MIS18BP1: variants seen among roughly 807,000 people sequenced by gnomAD.
MIS18BP1 encodes mis18-binding protein 1.
In MIS18BP1, 72 loss-of-function variants were observed where a neutral mutation model predicts 116.1. The observed-to-expected ratio is 0.62, with a 90% CI of 0.51 to 0.75. The LOEUF (loss-of-function observed/expected upper bound fraction) is 0.75. Among genes scored for constraint, MIS18BP1 ranks in the 30% least tolerant of loss-of-function variants. The probability of loss-of-function intolerance (pLI) is 0.00; values close to 1 mark genes in which losing one functional copy is unlikely to be tolerated. For synonymous variants in MIS18BP1, 386 were observed against 427.0 expected (o/e 0.90, Z 1.18); for missense variants, 1,363 against 1,303.2 (o/e 1.05, Z -0.71).
At position 45,246,799 on chromosome 14, in the gene MIS18BP1, A is replaced by T; in HGVS notation, c.488T>A (p.Leu163Gln). The change falls in exon 2 of 17, where the codon CTA becomes CAA. Residue 163 changes from leucine to glutamine, a missense_variant. Leu to Gln is a moderately radical substitution (Grantham distance 113). Transcript: ENST00000310806. Reference sequence around the variant, plus strand: ...TTTGTTGTTTTCCTTTTCTTCACATAGGTAGGTATGCTGCAATTTTTTTTT... The same window carrying T: ...TTTGTTGTTTTCCTTTTCTTCACATTGGTAGGTATGCTGCAATTTTTTTTT... Reference protein sequence around the residue: ...VEKKKLQHTYLCEEKENNKSF... With the variant: ...VEKKKLQHTYQCEEKENNKSF... The T allele has an allele frequency of 6.3e-7, 1 of 1,584,776 alleles. No homozygotes were observed. Among genetic ancestry groups the T allele is most frequent in the African/African-American group, 1.4e-5 (1 of 72,848 alleles).
In MIS18BP1 at chr14:45,223,285, T is replaced by C. The variant is rs958980736; in HGVS notation, c.2669+633A>G. On this transcript the variant is annotated intron_variant, in intron 11 of 16. Coordinates refer to ENST00000310806, the MANE Select transcript of MIS18BP1 (RefSeq NM_018353.5). The stretch of plus-strand genomic sequence containing the variant: ...GTGGGGCACCAAACTTTACTATTTA[T>C]AACACTTGTTAGGCCGGGCACGGTG... 2.0e-5 allele frequency among the ~76,000 whole-genome samples: 3 copies of C among 152,144 alleles called. No homozygotes were observed. The East Asian group carries it at 5.8e-4, about 29-fold the overall frequency.
chr14:45,251,749 T>G (rs1310419569), intron 1 of MIS18BP1, among the ~76,000 whole-genome samples: 1 of 152,230 alleles, frequency 6.6e-6, no homozygotes, highest in Non-Finnish European at 1.5e-5. Flanking sequence ...TGAAAGGTGA[T>G]TAATAGAATA....
intron 13 of MIS18BP1, among the ~76,000 whole-genome samples, chr14:45,211,522 T>C (rs1034025428): frequency 5.9e-5 from 9 of 152,238 alleles, no homozygotes; most frequent in African/African-American, 1.7e-4. Context: ...ACTCCACAAA[T>C]TGAAGACTGG....
At chr14:45,247,692 C>G (rs1465099973) in intron 1 of MIS18BP1, among the ~76,000 whole-genome samples, 1 of 151,708 alleles carries the variant, frequency 6.6e-6, no homozygotes, top group South Asian at 2.1e-4. Flanking sequence ...AGAGCAAGAC[C>G]TTGTCTCAAA....
intron 8 of MIS18BP1, 147 bp downstream of exon 8, chr14:45,230,994 A>T: frequency 1.5e-6 from 1 of 676,516 alleles, no homozygotes; most frequent in Non-Finnish European, 2.2e-6. Context: ...CTCATATAGT[A>T]GTGAAGAAGC....
chr14:45,224,355 AT>A lies in MIS18BP1; in HGVS notation c.2231del (p.Asn744IlefsTer8). On this transcript the variant is annotated frameshift_variant, in exon 11 of 17. Coordinates refer to ENST00000310806, the MANE Select transcript of MIS18BP1 (RefSeq NM_018353.5). LOFTEE classifies it high-confidence loss of function. ...EQMLTSDFKK[N>X]TRLLPKLKKI... Reference sequence around the variant, plus strand: ...TCTTCAATTTTGGTAATAGTCTGGTATTTTTCTTAAAGTCAGAGGTGAGCAT... The same window carrying A: ...TCTTCAATTTTGGTAATAGTCTGGTATTTTCTTAAAGTCAGAGGTGAGCAT... The A allele has an allele frequency of 6.2e-7, 1 of 1,613,462 alleles. No individual in the cohort carries two copies. The highest frequency in any genetic ancestry group is 8.5e-7 in the Non-Finnish European group (1 of 1,179,854).
chr14:45,245,579 G>A (rs1891701629), intron 2 of MIS18BP1, among the ~76,000 whole-genome samples: 1 of 152,050 alleles, frequency 6.6e-6, no homozygotes, highest in Non-Finnish European at 1.5e-5. Flanking sequence ...GGTCAGGCTG[G>A]TCTTGAACCC....
intron 11 of MIS18BP1, among the ~76,000 whole-genome samples, chr14:45,222,374 T>C (rs1890998528): frequency 6.6e-6 from 1 of 152,222 alleles, no homozygotes; most frequent in South Asian, 2.1e-4. Context: ...ATTATTTCTT[T>C]GTATAGTTTT....
chr14:45,244,763 C>A (rs1891680326), intron 2 of MIS18BP1, among the ~76,000 whole-genome samples: 1 of 152,188 alleles, frequency 6.6e-6, no homozygotes, highest in Non-Finnish European at 1.5e-5. Context: ...TTCCATATTG[C>A]TCAGCTGATG....
chr14:45,207,355 C>T (rs1038150902), intron 14 of MIS18BP1, among the ~76,000 whole-genome samples: 6 of 152,180 alleles, frequency 3.9e-5, no homozygotes, highest in African/African-American at 1.4e-4. Flanking sequence ...GAATAAACCT[C>T]GTCAGTTTTT....
Position 45,218,340 on chromosome 14 carries a change from T to C in MIS18BP1, c.2784A>G (p.Gly928=). ...TAGTGACATGTTTCTGGGATCCTTT[T>C]CCTCTGGGATTTTCCATGTATTTCC... is the stretch of plus-strand genomic sequence containing the variant. ...CQRKYMENPR[G]KGSQKHVTKK... The change falls in exon 12 of 17, where the codon GGA becomes GGG. Residue 928 remains glycine (G), a synonymous_variant. Coordinates refer to ENST00000310806, the MANE Select transcript of MIS18BP1 (RefSeq NM_018353.5). 3.7e-6 allele frequency: 6 copies of C among 1,614,120 alleles called. No homozygotes were observed. Among genetic ancestry groups the C allele is most frequent in the East Asian group, 2.2e-5 (1 of 44,862 alleles).
At chr14:45,220,908 G>A (rs182031686) in intron 11 of MIS18BP1, among the ~76,000 whole-genome samples, 1 of 152,176 alleles carries the variant, frequency 6.6e-6, no homozygotes, top group African/African-American at 2.4e-5. Flanking sequence ...GCCAAGGCAG[G>A]TGAATCACTT....
chr14:45,242,683 A>C, intron 3 of MIS18BP1, 78 bp downstream of exon 3: 4 of 1,466,550 alleles, frequency 2.7e-6, no homozygotes, highest in Non-Finnish European at 3.7e-6. Context: ...TTTAATGCCC[A>C]CACAAGGAAA....
In MIS18BP1 at chr14:45,224,569, C is replaced by T. The variant is rs757388531; in HGVS notation, c.2018G>A (p.Gly673Asp). Reference sequence around the variant, plus strand: ...AAAATCTGTTACTGCTTTGATGGTGCCAGCGGACAGATTATACCTCATGCA... The same window carrying T: ...AAAATCTGTTACTGCTTTGATGGTGTCAGCGGACAGATTATACCTCATGCA... ...QRCMRYNLSA[G>D]TIKAVTDFVI... Residue 673 changes from glycine (G) to aspartate (D), a missense_variant, in exon 11 of 17, where the codon GGC becomes GAC. Transcript: ENST00000310806. The T allele has an allele frequency of 1.2e-6, 2 of 1,612,978 alleles. No individual in the cohort carries two copies. The highest frequency in any genetic ancestry group is 1.7e-6 in the Non-Finnish European group (2 of 1,179,724).
intron 4 of MIS18BP1, among the ~76,000 whole-genome samples, chr14:45,239,599 G>A (rs1417891515): frequency 6.6e-6 from 1 of 152,176 alleles, no homozygotes; most frequent in East Asian, 1.9e-4. Flanking sequence ...AAGGCTTAGT[G>A]TTTTCTATTG....
chr14:45,218,554 AGG>A, intron 11 of MIS18BP1, 100 bp from the exon 12 acceptor site: 1 of 1,107,950 alleles, frequency 9.0e-7, no homozygotes, highest in Non-Finnish European at 1.2e-6. Context: ...ACTGAGATGA[AGG>A]AATCAGTTTT....
At chr14:45,237,514 T>C in intron 5 of MIS18BP1, 134 bp downstream of exon 5, 2 of 1,039,042 alleles carry the variant, frequency 1.9e-6, no homozygotes, top group Middle Eastern at 3.0e-4. Flanking sequence ...CACAGTAATT[T>C]TACTTTTTTG....
chr14:45,234,707 T>C (rs1891376279), intron 6 of MIS18BP1, among the ~76,000 whole-genome samples: 1 of 152,180 alleles, frequency 6.6e-6, no homozygotes, highest in African/African-American at 2.4e-5. Flanking sequence ...ACTAAGGGAC[T>C]GTAACTTGTT....
rs35141317 is a variant in MIS18BP1, at chr14:45,224,047, C to A, written c.2540G>T (p.Gly847Val). Residue 847 changes from glycine (G) to valine (V), a missense_variant, in exon 11 of 17, where the codon GGT becomes GTT. Transcript: ENST00000310806. ...AGTAATTGGAAACTCTTTCCTAACACCAGACTTCTGAAGAGTTTCTTTGAC... is the reference window on the plus strand; with the variant it reads ...AGTAATTGGAAACTCTTTCCTAACAACAGACTTCTGAAGAGTTTCTTTGAC... Reference protein sequence around the residue: ...PSVKETLQKSGVRKEFPITEA... With the variant: ...PSVKETLQKSVVRKEFPITEA... The A allele has an allele frequency of 1.3e-3, 2,033 of 1,613,868 alleles. 16 individuals are homozygous for A. In the African/African-American group the frequency reaches 0.024, roughly 19 times the overall value.
Sources: gnomAD v4.1 joint callset for allele counts (sites outside exome capture counted in the v4.1 genomes callset) on GRCh38, gnomAD v4.1.1 for gene constraint, MANE v1.5 for transcripts, NCBI Gene and HGNC (gene_info 2026-07-23, HGNC 2026-07-21) for gene names.